The following SLC41A2 variants were observed in gnomAD, a reference collection of about 807,000 sequenced individuals.
The protein encoded by SLC41A2 is solute carrier family 41 member 2.
In SLC41A2, 32 loss-of-function variants were observed where a neutral mutation model predicts 58.3. That is an observed-to-expected ratio of 0.55 (90% CI 0.41 to 0.74). The LOEUF (loss-of-function observed/expected upper bound fraction) is 0.74. Ranked by LOEUF, SLC41A2 falls within the 30% of genes least tolerant of loss-of-function variation. The pLI is 0.00. For synonymous variants in SLC41A2, 190 were observed against 235.0 expected, an observed-to-expected ratio of 0.81 and a Z score of 1.75; for missense variants, 514 against 680.6, an observed-to-expected ratio of 0.76 and a Z score of 2.72.
At chr12:104,840,209 T>C (rs2042362494) in intron 10 of SLC41A2, among the ~76,000 whole-genome samples, 1 of 152,094 alleles carries the variant, frequency 6.6e-6, no homozygotes, top group Admixed American at 6.5e-5. Flanking sequence ...TGCTTTTGAG[T>C]TCATAAGTTA....
intron 6 of SLC41A2, among the ~76,000 whole-genome samples, chr12:104,880,381 C>T (rs180969859): frequency 2.0e-5 from 3 of 152,272 alleles, no homozygotes; most frequent in Admixed American, 6.5e-5. Flanking sequence ...AGAGGGCATC[C>T]CTGTCTTGTC....
At chr12:104,826,208 T>G (rs1379652011) in intron 10 of SLC41A2, among the ~76,000 whole-genome samples, 10 of 152,160 alleles carry the variant, frequency 6.6e-5, no homozygotes, top group Non-Finnish European at 1.5e-4. Context: ...ACCCTCATAA[T>G]CTGGAGGAAA....
chr12:104,850,869 C>A (rs550014103), intron 8 of SLC41A2, among the ~76,000 whole-genome samples: 19 of 152,130 alleles, frequency 1.2e-4, no homozygotes, highest in Non-Finnish European at 2.6e-4. Context: ...AAATAAATTT[C>A]TTTAAAAATG....
rs111463634 is a variant in SLC41A2 at position 104,861,248 on chromosome 12, C to T, written c.1255+43G>A. On this transcript the variant is annotated intron_variant, in intron 8 of 10. Coordinates refer to ENST00000258538, the MANE Select transcript of SLC41A2 (RefSeq NM_001352171.3). Reference sequence around the variant, plus strand: ...AATAGTACCTAAGACTAAGAGGATACGAAGATTTGATATTATCATGAAACA... The same window carrying T: ...AATAGTACCTAAGACTAAGAGGATATGAAGATTTGATATTATCATGAAACA... 3.4e-4 allele frequency: 482 copies of T among 1,415,362 alleles called. 2 individuals carry two copies. In the African/African-American group the frequency reaches 5.1e-3, roughly 15 times the overall value. The allele number at this position is 1,415,362 out of a possible 1,614,324, so 87.7% of individuals were successfully genotyped here.
chr12:104,895,548 A>G (rs187677703), intron 3 of SLC41A2, among the ~76,000 whole-genome samples: 1 of 151,992 alleles, frequency 6.6e-6, no homozygotes, highest in Non-Finnish European at 1.5e-5. Context: ...GAGAAAAAAA[A>G]TTTTTTTTAC....
chr12:104,828,115 G>T (rs1346682614), intron 10 of SLC41A2, among the ~76,000 whole-genome samples: 1 of 152,126 alleles, frequency 6.6e-6, no homozygotes, highest in African/African-American at 2.4e-5. Context: ...CAAGCAACTG[G>T]ACGTCAAGAG....
At chr12:104,922,866 G>A (rs1266509228) in intron 2 of SLC41A2, among the ~76,000 whole-genome samples, 4 of 152,096 alleles carry the variant, frequency 2.6e-5, no homozygotes, top group African/African-American at 9.7e-5. Context: ...GAATCAATAA[G>A]AAGATGAACC....
At position 104,809,306 on chromosome 12, in the gene SLC41A2, C is replaced by T. The variant is rs192141062; in HGVS notation, c.1537-3969G>A. Among the ~76,000 whole-genome samples the T allele has an allele frequency of 9.5e-4, 144 of 152,348 alleles. 1 individual carries two copies. Among genetic ancestry groups the T allele is most frequent in the African/African-American group, 3.4e-3 (142 of 41,598 alleles). On this transcript the variant is annotated intron_variant, in intron 10 of 10. Transcript: ENST00000258538. ...GCCAAGAGACCTTTCACTAACCTGG[C>T]AAGTAGGCCGTGGGTGTGAGGCATT...
chr12:104,863,973 T>C (rs1348542479), intron 7 of SLC41A2, among the ~76,000 whole-genome samples: 3 of 151,866 alleles, frequency 2.0e-5, no homozygotes, highest in African/African-American at 7.3e-5. Flanking sequence ...TTTTTTTTCT[T>C]AGAGACCTCC....
chr12:104,958,380 G>A (rs902905859), upstream of SLC41A2: 7 of 149,654 alleles, frequency 4.7e-5, no homozygotes, highest in Admixed American at 4.0e-4. Context: ...CGCCGCCGCC[G>A]GGGAAGCCCG....
intron 10 of SLC41A2, among the ~76,000 whole-genome samples, chr12:104,844,030 A>G (rs1379157992): frequency 1.3e-5 from 2 of 152,194 alleles, no homozygotes; most frequent in East Asian, 3.8e-4. Context: ...TCAAAGAACT[A>G]TTTGAATCCA....
At chr12:104,934,191 G>A (rs200979209) in intron 1 of SLC41A2, among the ~76,000 whole-genome samples, 1 of 124,694 alleles carries the variant, frequency 8.0e-6, no homozygotes, top group African/African-American at 3.7e-5. Context: ...GGAAAAAAAA[G>A]TAAATTAAAA....
At chr12:104,815,764 C>T (rs2041372512) in intron 10 of SLC41A2, among the ~76,000 whole-genome samples, 1 of 152,126 alleles carries the variant, frequency 6.6e-6, no homozygotes, top group Non-Finnish European at 1.5e-5. Context: ...AAACCCTACT[C>T]ATTAAAATCT....
chr12:104,851,124 T>G (rs1327039815), intron 8 of SLC41A2, among the ~76,000 whole-genome samples: 2 of 152,310 alleles, frequency 1.3e-5, no homozygotes, highest in Non-Finnish European at 2.9e-5. Context: ...ACATGAAAGA[T>G]GCTTAGCACA....
At chr12:104,943,586 A>G (rs2047595409) in intron 1 of SLC41A2, among the ~76,000 whole-genome samples, 1 of 152,192 alleles carries the variant, frequency 6.6e-6, no homozygotes, top group Non-Finnish European at 1.5e-5. Context: ...TGTTAATGAC[A>G]TCGAAGGCAC....
intron 10 of SLC41A2, among the ~76,000 whole-genome samples, chr12:104,830,877 T>C (rs1363181901): frequency 1.3e-5 from 2 of 152,198 alleles, no homozygotes; most frequent in Non-Finnish European, 1.5e-5. Flanking sequence ...CAAACTTCAT[T>C]TACTTTTAAA....
intron 8 of SLC41A2, among the ~76,000 whole-genome samples, chr12:104,860,573 C>A (rs528092884): frequency 6.6e-6 from 1 of 151,716 alleles, no homozygotes; most frequent in East Asian, 1.9e-4. Context: ...CAGCTGAGGA[C>A]CAATAGATTT....
At chr12:104,933,740 A>G (rs1266188138) in intron 1 of SLC41A2, among the ~76,000 whole-genome samples, 1 of 148,870 alleles carries the variant, frequency 6.7e-6, no homozygotes, top group Non-Finnish European at 1.5e-5. Flanking sequence ...GCTCAGCCAT[A>G]AAAAAGAAAA....
intron 6 of SLC41A2, among the ~76,000 whole-genome samples, chr12:104,868,187 G>C (rs1173909786): frequency 6.6e-6 from 1 of 152,088 alleles, no homozygotes; most frequent in Non-Finnish European, 1.5e-5. Context: ...TAAGCCAACA[G>C]ATAAGGATAA....
Sources: allele counts gnomAD v4.1 joint callset (sites outside exome capture counted in the v4.1 genomes callset), GRCh38; gene constraint gnomAD v4.1.1; transcripts MANE v1.5; gene names NCBI Gene and HGNC (gene_info 2026-07-23, HGNC 2026-07-21).